Variants in MYBPC1 observed in about 807,000 individuals in gnomAD.
MYBPC1 encodes myosin binding protein C1.
In MYBPC1, 52 loss-of-function variants were observed where a neutral mutation model predicts 147.1. The ratio of observed to expected loss-of-function variants is 0.35; its 90% CI spans 0.28 to 0.45. The LOEUF is 0.45. Ranked by LOEUF, MYBPC1 falls within the 20% of genes least tolerant of loss-of-function variation. The probability of loss-of-function intolerance (pLI) is 1.00; values close to 1 mark genes in which losing one functional copy is unlikely to be tolerated. For synonymous variants in MYBPC1, 477 were observed against 475.9 expected, an observed-to-expected ratio of 1.00 and a Z score of -0.03; for missense variants, 1,228 against 1,440.3, an observed-to-expected ratio of 0.85 and a Z score of 2.39.
chr12:101,659,257 T>A (rs11110938), intron 18 of MYBPC1, among the ~76,000 whole-genome samples: 31,539 of 151,878 alleles, frequency 0.21, 3,801 homozygotes, highest in Middle Eastern at 0.34. Context: ...CTGATAGGAG[T>A]TTGAGGGTTT....
intron 18 of MYBPC1, among the ~76,000 whole-genome samples, chr12:101,654,971 T>C (rs1446508609): frequency 6.6e-6 from 1 of 152,130 alleles, no homozygotes; most frequent in Non-Finnish European, 1.5e-5. Flanking sequence ...TATATAGGAA[T>C]ACAAAAATAT....
chr12:101,673,126 G>A (rs770040548), intron 24 of MYBPC1, among the ~76,000 whole-genome samples: 2 of 152,184 alleles, frequency 1.3e-5, no homozygotes, highest in African/African-American at 2.4e-5. Context: ...TGGTTCCAGT[G>A]CTTACCTAAC....
At chr12:101,674,002 G>A (rs2136721482) in intron 25 of MYBPC1, among the ~76,000 whole-genome samples, 1 of 152,216 alleles carries the variant, frequency 6.6e-6, no homozygotes, top group South Asian at 2.1e-4. Context: ...GCAGTGAGCT[G>A]AGATCATGCC....
At chr12:101,605,254 T>A (rs1881692930) in intron 1 of MYBPC1, among the ~76,000 whole-genome samples, 1 of 152,216 alleles carries the variant, frequency 6.6e-6, no homozygotes, top group South Asian at 2.1e-4. Context: ...AAATGAGTTA[T>A]TGCTTCAAAA....
rs550452682 is a variant in MYBPC1 at position 101,602,423 on chromosome 12, G to C, written c.25+7328G>C. ...GTAGAGATAGGGTTTCAACATATTG[G>C]CCAGGCTGGTCTCAAACTCCTGACC... On this transcript the variant is annotated intron_variant, in intron 1 of 31. Transcript: ENST00000361466. 2.0e-5 allele frequency among the ~76,000 whole-genome samples: 3 copies of C among 152,160 alleles called. No homozygotes were observed. The South Asian group carries it at 6.2e-4, about 32-fold the overall frequency.
intron 10 of MYBPC1, among the ~76,000 whole-genome samples, chr12:101,641,828 AT>A (rs62676162): frequency 3.3e-4 from 49 of 149,778 alleles, no homozygotes; most frequent in Admixed American, 1.1e-3. Flanking sequence ...GGCAGTTTCA[AT>A]TTTTTTTTTT....
rs1201404509 is a variant in MYBPC1 at position 101,632,196 on chromosome 12, G to A, written c.556+58G>A. 6.0e-6 allele frequency: 7 copies of A among 1,163,078 alleles called. No individual in the cohort carries two copies. In the Admixed American group the frequency reaches 1.0e-4, roughly 17 times the overall value. 72.0% of individuals were successfully genotyped at this position (1,163,078 alleles called of 1,614,324 possible). ...TTTTTTAATGGGGTGTGAGGGGATG[G>A]AGAAGAAGTAGTTCATTTAATACTA... On this transcript the variant is annotated intron_variant, in intron 8 of 31. Transcript: ENST00000361466.
chr12:101,651,533 C>A, intron 16 of MYBPC1, 140 bp downstream of exon 16: 1 of 1,098,198 alleles, frequency 9.1e-7, no homozygotes, highest in Non-Finnish European at 1.4e-6. Context: ...TTCCAACTAG[C>A]AAGAAGGTGT....
At chr12:101,673,056 C>T (rs1156825988) in intron 24 of MYBPC1, among the ~76,000 whole-genome samples, 1 of 152,194 alleles carries the variant, frequency 6.6e-6, no homozygotes, top group Non-Finnish European at 1.5e-5. Context: ...AGCCCATGCT[C>T]TTAACAATTA....
chr12:101,686,417 AG>A (rs1272133507), downstream of MYBPC1, among the ~76,000 whole-genome samples: 1 of 152,222 alleles, frequency 6.6e-6, no homozygotes, highest in African/African-American at 2.4e-5. Context: ...ATAGTGACAG[AG>A]GGCTGTTACA....
rs1249494962 is a variant in MYBPC1, at chr12:101,632,059, T to C, written c.477T>C (p.Asp159=). ...TFEMQIIKAK[D]NFAGNYRCEV... The stretch of plus-strand genomic sequence containing the variant: ...AGATGCAGATCATCAAGGCCAAAGA[T>C]AACTTTGCAGGAAATTACAGATGCG... The change falls in exon 8 of 32, where the codon GAT becomes GAC. Residue 159 remains aspartate (D), a synonymous_variant. Coordinates refer to ENST00000361466, the MANE Select transcript of MYBPC1 (RefSeq NM_002465.4). 1 of 1,613,924 alleles carries C rather than the reference T, an allele frequency of 6.2e-7. No homozygotes were observed. Among genetic ancestry groups the C allele is most frequent in the Non-Finnish European group, 8.5e-7 (1 of 1,179,870 alleles).
chr12:101,618,732 G>A (rs560983853), intron 3 of MYBPC1, among the ~76,000 whole-genome samples: 33 of 152,190 alleles, frequency 2.2e-4, no homozygotes, highest in African/African-American at 7.0e-4. Context: ...AGAACACAGC[G>A]TGATGAAAGA....
chr12:101,657,480 C>T (rs556928269), intron 18 of MYBPC1, among the ~76,000 whole-genome samples: 2 of 152,074 alleles, frequency 1.3e-5, no homozygotes, highest in South Asian at 4.1e-4. Flanking sequence ...TAAGAAGAGT[C>T]AAGGCTAATT....
intron 11 of MYBPC1, among the ~76,000 whole-genome samples, chr12:101,643,249 T>TA (rs569203693): frequency 2.0e-4 from 31 of 152,142 alleles, no homozygotes; most frequent in Non-Finnish European, 3.1e-4. Flanking sequence ...TACCACCCTT[T>TA]AAAAAAAATC....
intron 2 of MYBPC1, 52 bp from the exon 3 acceptor site, chr12:101,617,150 C>A (rs1593697241): frequency 1.9e-6 from 3 of 1,583,208 alleles, no homozygotes; most frequent in Non-Finnish European, 2.6e-6. Flanking sequence ...GCTCATCACA[C>A]AATAAAATGC....
At chr12:101,649,800 T>C (rs1455142838) in intron 15 of MYBPC1, among the ~76,000 whole-genome samples, 1 of 152,224 alleles carries the variant, frequency 6.6e-6, no homozygotes. Context: ...GAGAAGAAAG[T>C]AATTCAAACC....
At chr12:101,689,043 A>G (rs149885130), downstream of MYBPC1, among the ~76,000 whole-genome samples, 192 of 152,312 alleles carry the variant, frequency 1.3e-3, no homozygotes, top group Non-Finnish European at 1.9e-3. Context: ...CAGAGGGAAC[A>G]TATAAACAAG....
chr12:101,649,488 G>A (rs1320353589), intron 15 of MYBPC1, 62 bp downstream of exon 15: 33 of 1,576,808 alleles, frequency 2.1e-5, no homozygotes, highest in South Asian at 1.8e-4. Context: ...GTGTTAATTC[G>A]GTTTCAGAAA....
intron 1 of MYBPC1, among the ~76,000 whole-genome samples, chr12:101,598,016 C>CT (rs34462251): frequency 0.13 from 15,451 of 122,114 alleles, 1,330 homozygotes; most frequent in Non-Finnish European, 0.19. Context: ...AATCACCTTT[C>CT]TTTTTTTTTT....
Sources: allele counts gnomAD v4.1 joint callset (sites outside exome capture counted in the v4.1 genomes callset), GRCh38; gene constraint gnomAD v4.1.1; transcripts MANE v1.5; gene names NCBI Gene and HGNC (gene_info 2026-07-23, HGNC 2026-07-21).